The following AGL variants were observed in gnomAD, a reference collection of about 807,000 sequenced individuals.
AGL encodes amylo-alpha-1,6-glucosidase and 4-alpha-glucanotransferase.
AGL carries 128 observed loss-of-function variants against 199.3 expected under a neutral mutation model. The ratio of observed to expected loss-of-function variants is 0.64; its 90% CI spans 0.56 to 0.74. The LOEUF is 0.74. Ranked by LOEUF, AGL falls within the 30% of genes least tolerant of loss-of-function variation. The pLI, the probability that AGL is intolerant of heterozygous loss-of-function variation, is 0.00. For missense variants in AGL, 1,809 were observed against 1,820.8 expected (o/e 0.99, Z 0.12); for synonymous variants, 584 against 594.7 (o/e 0.98, Z 0.26).
intron 26 of AGL, among the ~76,000 whole-genome samples, chr1:99,901,541 TGTA>T (rs1057390257): frequency 1.9e-4 from 29 of 152,120 alleles, no homozygotes; most frequent in African/African-American, 7.0e-4. Flanking sequence ...TGGCTTTTTG[TGTA>T]GGATACCTGC....
intron 17 of AGL, 27 bp downstream of exon 17, chr1:99,881,718 T>C (rs1466467363): frequency 3.2e-6 from 5 of 1,572,206 alleles, no homozygotes; most frequent in Non-Finnish European, 4.4e-6. Context: ...ATTGTTACTG[T>C]ATTTGTATTA....
In AGL at chr1:99,875,359, C is replaced by T. The variant is rs747879201; in HGVS notation, c.1187C>T (p.Ala396Val). 2.5e-6 allele frequency: 4 copies of T among 1,613,902 alleles called. No individual in the cohort carries two copies. In the African/African-American group the frequency reaches 5.3e-5, roughly 22 times the overall value. Residue 396 changes from alanine to valine, a missense_variant and splice_region_variant, in exon 10 of 34, where the codon GCA becomes GTA. Ala to Val is a moderately conservative substitution (Grantham distance 64). Coordinates refer to ENST00000361915, the MANE Select transcript of AGL (RefSeq NM_000642.3). ...CTAACACAATTTAATGTTTTTCAGG[C>T]AGTTAATTGCCTTTTGGGAAATGTG... ...HRLINYHQEQ[A>V]VNCLLGNVFY...
At chr1:99,892,150 G>A (rs1450391867) in intron 23 of AGL, among the ~76,000 whole-genome samples, 1 of 152,016 alleles carries the variant, frequency 6.6e-6, no homozygotes, top group Non-Finnish European at 1.5e-5. Context: ...AAATTTAAGT[G>A]TACTCGTGAG....
At chr1:99,913,442 A>G (rs1298848834) in intron 29 of AGL, 85 bp from the exon 30 acceptor site, 1 of 1,162,300 alleles carries the variant, frequency 8.6e-7, no homozygotes, top group Non-Finnish European at 1.3e-6. Flanking sequence ...AGATAAAAAT[A>G]AACTAAATAT....
chr1:99,864,231 T>G (rs1650313040), intron 4 of AGL, among the ~76,000 whole-genome samples, 155 bp from the exon 5 acceptor site: 1 of 152,248 alleles, frequency 6.6e-6, no homozygotes, highest in South Asian at 2.1e-4. Context: ...GTGGTACAGT[T>G]AGGATTTGAA....
Position 99,921,966 on chromosome 1 carries a change from A to G in AGL, c.*315A>G, listed in dbSNP as rs1655540647. ...CTATTTGTACAGAAATGAAAATAAA[A>G]TATGAAAATAATGAAAGAAATGAAA... On this transcript the variant is annotated 3_prime_UTR_variant, in exon 34 of 34. Transcript: ENST00000361915. The G allele has an allele frequency of 1.5e-5, 3 of 206,858 alleles. No homozygotes were observed. In the South Asian group the frequency reaches 3.1e-4, roughly 21 times the overall value. 12.8% of individuals were successfully genotyped at this position (206,858 alleles called of 1,614,324 possible).
At chr1:99,914,795 G>C (rs935060799) in intron 30 of AGL, among the ~76,000 whole-genome samples, 1 of 152,156 alleles carries the variant, frequency 6.6e-6, no homozygotes, top group Non-Finnish European at 1.5e-5. Flanking sequence ...AGTGTGTGCT[G>C]TCTGGGTTCA....
intron 4 of AGL, among the ~76,000 whole-genome samples, chr1:99,864,039 A>G (rs550283940): frequency 6.6e-6 from 1 of 152,356 alleles, no homozygotes; most frequent in Non-Finnish European, 1.5e-5. Context: ...ACTATGGAAC[A>G]TTAAAAGTAG....
rs752820851 is a variant in AGL, at chr1:99,884,370, G to A, written c.2465G>A (p.Gly822Glu). The change falls in exon 19 of 34, where the codon GGA becomes GAA. Residue 822 changes from glycine (G) to glutamate (E), a missense_variant. Gly to Glu is a moderately conservative substitution (Grantham distance 98). Transcript: ENST00000361915. ...GAAAGTAAAATTGTTAAACAAGCTGGAGTTGCCACAAAAGGGCCCAATGAA... is the reference window on the plus strand; with the variant it reads ...GAAAGTAAAATTGTTAAACAAGCTGAAGTTGCCACAAAAGGGCCCAATGAA... ...LNESKIVKQAGVATKGPNEYI... is the reference protein window; with the variant it reads ...LNESKIVKQAEVATKGPNEYI... 1 of 1,612,876 alleles carries A rather than the reference G, an allele frequency of 6.2e-7. No homozygotes were observed. The highest frequency in any genetic ancestry group is 8.5e-7 in the Non-Finnish European group (1 of 1,179,526).
chr1:99,880,112 A>G (rs1651891275), intron 13 of AGL, 66 bp downstream of exon 13: 1 of 1,601,352 alleles, frequency 6.2e-7, no homozygotes, highest in African/African-American at 1.3e-5. Flanking sequence ...TAAAGGATTT[A>G]ATAGCTTCAT....
intron 30 of AGL, among the ~76,000 whole-genome samples, chr1:99,914,358 T>C (rs1654957610): frequency 6.6e-6 from 1 of 152,228 alleles, no homozygotes; most frequent in Non-Finnish European, 1.5e-5. Flanking sequence ...TCTGTTTTCA[T>C]TGTTGCATTG....
chr1:99,879,389 A>G (rs1013275998), intron 12 of AGL, among the ~76,000 whole-genome samples: 1 of 152,182 alleles, frequency 6.6e-6, no homozygotes. Flanking sequence ...GTTTGCAACC[A>G]GCCTGACCAA....
chr1:99,886,540 T>C (rs1376651547), intron 20 of AGL, among the ~76,000 whole-genome samples: 1 of 152,210 alleles, frequency 6.6e-6, no homozygotes, highest in Non-Finnish European at 1.5e-5. Context: ...TATAGCACCT[T>C]TCTTACAGAT....
At chr1:99,870,958 A>G (rs1650946447) in intron 7 of AGL, 89 bp downstream of exon 7, 1 of 782,600 alleles carries the variant, frequency 1.3e-6, no homozygotes, top group Non-Finnish European at 2.2e-6. Flanking sequence ...CGTCATTATT[A>G]AATATGTCAT....
At position 99,877,777 on chromosome 1, in the gene AGL, C is replaced by G. The variant is rs778983440; in HGVS notation, c.1560C>G (p.Phe520Leu). ...ACACTGAAATAACTGCAACTTATTTCCAGGGAGTACGTCTTGATAACTGCC... is the reference window on the plus strand; with the variant it reads ...ACACTGAAATAACTGCAACTTATTTGCAGGGAGTACGTCTTGATAACTGCC... ...KKYTEITATY[F>L]QGVRLDNCHS... The change falls in exon 12 of 34, where the codon TTC becomes TTG. Residue 520 changes from phenylalanine to leucine, a missense_variant. Physicochemically the swap from Phe to Leu is conservative, Grantham distance 22 (BLOSUM62 0). Transcript: ENST00000361915. 1.2e-6 allele frequency: 2 copies of G among 1,613,922 alleles called. No individual in the cohort carries two copies. The highest frequency in any genetic ancestry group is 8.5e-7 in the Non-Finnish European group (1 of 1,179,988).
In AGL at chr1:99,876,518, G is replaced by A; in HGVS notation, c.1344G>A (p.Leu448=). 6.2e-7 allele frequency: 1 copy of A among 1,613,342 alleles called. No homozygotes were observed. Among genetic ancestry groups the A allele is most frequent in the South Asian group, 1.1e-5 (1 of 91,062 alleles). Residue 448 remains leucine, a synonymous_variant, in exon 11 of 34, where the codon CTG becomes CTA. Coordinates refer to ENST00000361915, the MANE Select transcript of AGL (RefSeq NM_000642.3). ...CCATGGAAGAATCTATGATTCATCT[G>A]CCAAATAAAGCTTGTTTTCTGATGG... ...DFSMEESMIH[L]PNKACFLMAH... is the part of the protein sequence containing the mutation.
rs778599582 is a variant in AGL at position 99,880,812 on chromosome 1, T to C, written c.1899+17T>C. The C allele has an allele frequency of 2.5e-6, 4 of 1,613,284 alleles. No homozygotes were observed. In the Admixed American group the frequency reaches 6.7e-5, roughly 27 times the overall value. ...CCTATTGTGGTAAGCACCTAATCTT[T>C]TTCATGTACTTATTTTGCTAAATGC... is the stretch of plus-strand genomic sequence containing the variant. On this transcript the variant is annotated intron_variant, in intron 14 of 33. Transcript: ENST00000361915.
chr1:99,882,392 C>T (rs12080767), intron 17 of AGL, among the ~76,000 whole-genome samples: 1 of 152,102 alleles, frequency 6.6e-6, no homozygotes, highest in East Asian at 1.9e-4. Flanking sequence ...AACATACATA[C>T]AAACATGCGA....
intron 28 of AGL, 43 bp downstream of exon 28, chr1:99,910,890 A>G (rs771256248): frequency 3.8e-5 from 61 of 1,589,204 alleles, no homozygotes; most frequent in Non-Finnish European, 4.9e-5. Flanking sequence ...ACCCTTCTTT[A>G]AGAAAGCACT....
Sources: allele counts gnomAD v4.1 joint callset (sites outside exome capture counted in the v4.1 genomes callset), GRCh38; gene constraint gnomAD v4.1.1; transcripts MANE v1.5; gene names NCBI Gene and HGNC (gene_info 2026-07-23, HGNC 2026-07-21).